DIPK1B: variants seen among roughly 807,000 people sequenced by gnomAD.
DIPK1B encodes divergent protein kinase domain 1B.
DIPK1B carries 17 observed loss-of-function variants against 20.7 expected under a neutral mutation model. The ratio of observed to expected loss-of-function variants is 0.82; its 90% CI spans 0.56 to 1.23. DIPK1B has a LOEUF of 1.23. DIPK1B is among the 50% of genes most tolerant of loss of function. The pLI is 0.00. For missense variants in DIPK1B, 648 were observed against 601.8 expected (o/e 1.08, Z -0.80); for synonymous variants, 343 against 276.5 (o/e 1.24, Z -2.39).
At chr9:136,714,094 G>A (rs1846463158) in intron 1 of DIPK1B, among the ~76,000 whole-genome samples, 1 of 152,212 alleles carries the variant, frequency 6.6e-6, no homozygotes, top group Non-Finnish European at 1.5e-5. Context: ...GGTGGGCCAG[G>A]GAGCACTGTG....
chr9:136,720,102 T>C (rs1846572940), intron 2 of DIPK1B, among the ~76,000 whole-genome samples: 1 of 151,740 alleles, frequency 6.6e-6, no homozygotes, highest in Non-Finnish European at 1.5e-5. Flanking sequence ...CTGTGTGGTC[T>C]GGGGCTCTGG....
At chr9:136,714,750 A>G (rs1846473436) in intron 1 of DIPK1B, among the ~76,000 whole-genome samples, 1 of 152,190 alleles carries the variant, frequency 6.6e-6, no homozygotes. Flanking sequence ...CACCGGAGCC[A>G]CGCCCTCTGC....
chr9:136,721,379 C>G (rs1465850331), intron 2 of DIPK1B: 5 of 155,052 alleles, frequency 3.2e-5, no homozygotes, highest in Admixed American at 6.4e-5. Flanking sequence ...AAATGTCTCA[C>G]TTACTATTCC....
At chr9:136,720,006 G>A (rs1256211719) in intron 2 of DIPK1B, among the ~76,000 whole-genome samples, 29 of 150,518 alleles carry the variant, frequency 1.9e-4, no homozygotes, top group Middle Eastern at 6.8e-3. Context: ...TGGGTTCAGG[G>A]GGCTGTGTGG....
intron 2 of DIPK1B, 61 bp from the exon 3 acceptor site, chr9:136,721,860 G>A (rs1445002908): frequency 2.7e-6 from 4 of 1,503,704 alleles, no homozygotes; most frequent in Admixed American, 1.8e-5. Flanking sequence ...CCTGTGGGCA[G>A]GGGCTCAGTG....
rs765459532 is a variant in DIPK1B, at chr9:136,717,627, C to T, written c.114C>T (p.Gly38=). 1.9e-5 allele frequency: 31 copies of T among 1,605,340 alleles called. No homozygotes were observed. Among genetic ancestry groups the T allele is most frequent in the South Asian group, 1.2e-4 (11 of 91,090 alleles). Residue 38 remains glycine (G), a synonymous_variant, in exon 2 of 5, where the codon GGC becomes GGT. Transcript: ENST00000371692. ...RVRCIFLAWL[G]VFAGSWLVYV... ...GCTGCATCTTCCTGGCCTGGCTGGG[C>T]GTCTTTGCAGGCAGCTGGCTGGTGT...
Position 136,723,547 on chromosome 9 carries a change from T to C in DIPK1B, c.1069T>C (p.Cys357Arg), listed in dbSNP as rs1846653841. 6.3e-7 allele frequency: 1 copy of C among 1,598,834 alleles called. No individual in the cohort carries two copies. The highest frequency in any genetic ancestry group is 8.5e-7 in the Non-Finnish European group (1 of 1,173,174). ...RAPCDRLMRQ[C>R]KGDLIQPNLA... ...CCCGTGTGACAGGCTCATGAGGCAG[T>C]GCAAGGGCGACCTCATCCAGCCCAA... is the stretch of plus-strand genomic sequence containing the variant. Residue 357 changes from cysteine (C) to arginine (R), a missense_variant, in exon 5 of 5, where the codon TGC becomes CGC. Cys to Arg is a radical substitution (Grantham distance 180). Coordinates refer to ENST00000371692, the MANE Select transcript of DIPK1B (RefSeq NM_152421.4).
In DIPK1B at chr9:136,712,747, CGCCGCCCCCG is replaced by C. The variant is rs936352264; in HGVS notation, c.63+26_63+35del. The C allele has an allele frequency of 1.1e-4, 144 of 1,331,622 alleles. No individual in the cohort carries two copies. The highest frequency in any genetic ancestry group is 1.3e-4 in the Non-Finnish European group (137 of 1,045,196). 82.5% of individuals were successfully genotyped at this position (1,331,622 alleles called of 1,614,324 possible). A position where few individuals can be genotyped will look rare whatever the true frequency, so the allele number is the denominator to read the frequency against. ...CCTGCAGGTAAGCGCGGTGCGCGCC[CGCCGCCCCCG>C]GCCGCCTCTGCCTGGGGAGGCCGAG... is the stretch of plus-strand genomic sequence containing the variant. On this transcript the variant is annotated intron_variant, in intron 1 of 4. Transcript: ENST00000371692. The surrounding 1 kb of genome is among the most constrained non-coding windows in gnomAD (Gnocchi z 5.6).
In DIPK1B at chr9:136,722,235, G is replaced by A. The variant is rs1445751039; in HGVS notation, c.417G>A (p.Leu139=). The part of the protein sequence containing the change: ...SDAAPRRELV[L]FDKPTRGTSI... ...CGGCCCCCCGGCGGGAGCTGGTACT[G>A]TTTGACAAGCCCACCCGGGGCACCT... The change falls in exon 4 of 5, where the codon CTG becomes CTA. Residue 139 remains leucine (L), a synonymous_variant. Transcript: ENST00000371692. The A allele has an allele frequency of 1.4e-5, 22 of 1,613,908 alleles. No homozygotes were observed. The highest frequency in any genetic ancestry group is 1.9e-5 in the Non-Finnish European group (22 of 1,180,022).
At chr9:136,721,597 TGGCCCTGGCGTGGGGTC>T in intron 2 of DIPK1B, 1 of 323,820 alleles carries the variant, frequency 3.1e-6, no homozygotes, top group Non-Finnish European at 5.9e-6. Context: ...TTCCTGCCTC[TGGCCCTGGCGTGGGGTC>T]GACACTGGGT....
At chr9:136,715,557 C>A (rs1012931108) in intron 1 of DIPK1B, among the ~76,000 whole-genome samples, 6 of 151,920 alleles carry the variant, frequency 3.9e-5, no homozygotes, top group Non-Finnish European at 5.9e-5. Flanking sequence ...CTCTGTCGCC[C>A]AGGCTGGAGT....
chr9:136,722,421 G>C, intron 4 of DIPK1B, 120 bp downstream of exon 4: 1 of 1,150,962 alleles, frequency 8.7e-7, no homozygotes, highest in Non-Finnish European at 1.2e-6. Context: ...TGGACCCTGG[G>C]CAGACCTCCC....
chr9:136,722,351 A>G, intron 4 of DIPK1B, 50 bp downstream of exon 4: 1 of 1,572,296 alleles, frequency 6.4e-7, no homozygotes, highest in Non-Finnish European at 8.6e-7. Flanking sequence ...CCACGGTCAT[A>G]TGCCCAGCAG....
At chr9:136,714,051 T>G (rs1846462416) in intron 1 of DIPK1B, among the ~76,000 whole-genome samples, 1 of 152,132 alleles carries the variant, frequency 6.6e-6, no homozygotes, top group African/African-American at 2.4e-5. Context: ...ACTCAAGCTT[T>G]GCCCGTCCAT....
Position 136,722,962 on chromosome 9 carries a change from G to A in DIPK1B, c.484G>A (p.Ala162Thr), listed in dbSNP as rs1176833954. The stretch of plus-strand genomic sequence containing the variant: ...CCTTTCTTTTGGTCCCAAACGCCAG[G>A]CGAACCTGGGAGACCTGCCTTCCCT... ...FREMTLSFLK[A>T]NLGDLPSLPA... The change falls in exon 5 of 5, where the codon GCG becomes ACG. Residue 162 changes from alanine to threonine, a missense_variant and splice_region_variant. By Grantham distance (58) the Ala-to-Thr change is moderately conservative (BLOSUM62 0). Coordinates refer to ENST00000371692, the MANE Select transcript of DIPK1B (RefSeq NM_152421.4). 6.2e-7 allele frequency: 1 copy of A among 1,600,828 alleles called. No individual in the cohort carries two copies. Among genetic ancestry groups the A allele is most frequent in the African/African-American group, 1.3e-5 (1 of 74,714 alleles).
intron 1 of DIPK1B, among the ~76,000 whole-genome samples, chr9:136,717,161 A>G (rs1362741704): frequency 2.6e-5 from 4 of 151,966 alleles, no homozygotes; most frequent in South Asian, 2.1e-4. Flanking sequence ...CCCGGGAGGC[A>G]GAGGTTGCAG....
At chr9:136,721,781 C>T (rs536185673) in intron 2 of DIPK1B, 140 bp from the exon 3 acceptor site, 12 of 719,796 alleles carry the variant, frequency 1.7e-5, no homozygotes, top group South Asian at 8.8e-5. Context: ...CCCAGGGCCC[C>T]GGCACTGCCT....
chr9:136,718,184 C>T (rs1163515977), intron 2 of DIPK1B, among the ~76,000 whole-genome samples: 7 of 33,530 alleles, frequency 2.1e-4, no homozygotes, highest in African/African-American at 4.8e-4. Flanking sequence ...TAGAGACCAC[C>T]GTGTGCTGGC....
chr9:136,721,530 C>T (rs923011656), intron 2 of DIPK1B: 14 of 219,610 alleles, frequency 6.4e-5, no homozygotes, highest in Admixed American at 1.6e-4. Flanking sequence ...TCTAGTTCAC[C>T]GGCCAATGCC....
Sources: gnomAD v4.1 joint callset for allele counts (sites outside exome capture counted in the v4.1 genomes callset) on GRCh38, gnomAD v4.1.1 for gene constraint, Gnocchi (gnomAD v3.1) non-coding constraint, MANE v1.5 for transcripts, NCBI Gene and HGNC (gene_info 2026-07-23, HGNC 2026-07-21) for gene names.